Variants in GABRB1 observed in about 807,000 individuals in gnomAD.
GABRB1 encodes the protein gamma-aminobutyric acid type A receptor subunit beta1.
GABRB1 carries 17 observed loss-of-function variants against 51.6 expected under a neutral mutation model. The ratio of observed to expected loss-of-function variants is 0.33; its 90% CI spans 0.23 to 0.49. GABRB1 has a LOEUF of 0.49. Ranked by LOEUF, GABRB1 falls within the 20% of genes least tolerant of loss-of-function variation. The pLI is 0.99. For missense variants in GABRB1, 410 were observed against 600.6 expected, an observed-to-expected ratio of 0.68 and a Z score of 3.32; for synonymous variants, 247 against 218.9, an observed-to-expected ratio of 1.13 and a Z score of -1.14.
At chr4:47,386,400 A>C (rs1356664983) in intron 5 of GABRB1, among the ~76,000 whole-genome samples, 1 of 152,222 alleles carries the variant, frequency 6.6e-6, no homozygotes, top group African/African-American at 2.4e-5. Context: ...AGACAAATAA[A>C]ATGTAGAGGC....
In GABRB1 at chr4:47,320,172, A is replaced by C. The variant is rs574779079; in HGVS notation, c.507A>C (p.Pro169=). The C allele has an allele frequency of 6.2e-7, 1 of 1,608,802 alleles. No individual in the cohort carries two copies. Among genetic ancestry groups the C allele is most frequent in the African/African-American group, 1.3e-5 (1 of 74,934 alleles). Residue 169 remains proline, a synonymous_variant, in exon 5 of 9, where the codon CCA becomes CCC. Transcript: ENST00000295454. ...AACMMDLRRY[P]LDEQNCTLEI... is the part of the protein sequence containing the mutation. ...GTATGATGGATCTTCGAAGATATCC[A>C]TTGGATGAGCAGAACTGCACCCTGG...
At chr4:47,108,648 A>G (rs777602048) in intron 3 of GABRB1, among the ~76,000 whole-genome samples, 8 of 152,060 alleles carry the variant, frequency 5.3e-5, no homozygotes, top group Non-Finnish European at 1.2e-4. Flanking sequence ...TTATAATTAC[A>G]TGTTATAATA....
rs114125163 is a variant in GABRB1 at position 47,095,921 on chromosome 4, G to A, written c.240+63437G>A. Among the ~76,000 whole-genome samples the A allele has an allele frequency of 4.4e-3, 667 of 152,290 alleles. 6 individuals carry two copies. Among genetic ancestry groups the A allele is most frequent in the African/African-American group, 0.015 (633 of 41,562 alleles). On this transcript the variant is annotated intron_variant, in intron 3 of 8. Transcript: ENST00000295454. ...CATCCAATAGACTAAACATATGTTT[G>A]AGGAACAATGCAAAATCTTTCCAAA...
Position 47,125,883 on chromosome 4 carries a change from A to G in GABRB1, c.241-35366A>G, listed in dbSNP as rs936436059. 3.3e-5 allele frequency among the ~76,000 whole-genome samples: 5 copies of G among 150,318 alleles called. No homozygotes were observed. In the East Asian group the frequency reaches 9.7e-4, roughly 29 times the overall value. ...AGTATAATTTCTTAATGAATAAACA[A>G]CACAAAGACATGAAGAAATCTTGAG... On this transcript the variant is annotated intron_variant, in intron 3 of 8. Transcript: ENST00000295454.
At chr4:47,091,275 T>C (rs1219718242) in intron 3 of GABRB1, among the ~76,000 whole-genome samples, 1 of 152,164 alleles carries the variant, frequency 6.6e-6, no homozygotes, top group Non-Finnish European at 1.5e-5. Context: ...TTATTTACCA[T>C]TATATTGTAT....
chr4:47,373,109 G>A (rs1403118585), intron 5 of GABRB1, among the ~76,000 whole-genome samples: 1 of 152,132 alleles, frequency 6.6e-6, no homozygotes, highest in Non-Finnish European at 1.5e-5. Flanking sequence ...TCCCTTCCTT[G>A]CAGCTGTTCC....
At chr4:47,091,085 G>T (rs1479128870) in intron 3 of GABRB1, among the ~76,000 whole-genome samples, 1 of 149,352 alleles carries the variant, frequency 6.7e-6, no homozygotes, top group African/African-American at 2.5e-5. Context: ...GCCAGTGTCT[G>T]GGGATAGTTT....
intron 3 of GABRB1, among the ~76,000 whole-genome samples, chr4:47,092,373 A>G (rs1728346485): frequency 6.7e-6 from 1 of 149,986 alleles, no homozygotes; most frequent in South Asian, 2.1e-4. Context: ...GGGTTTCACC[A>G]CATTGGCCAG....
intron 5 of GABRB1, among the ~76,000 whole-genome samples, chr4:47,352,419 G>T (rs1293974621): frequency 2.6e-5 from 4 of 152,120 alleles, no homozygotes; most frequent in Non-Finnish European, 5.9e-5. Flanking sequence ...CATTTTATGA[G>T]GCCAGCATCA....
chr4:47,146,166 T>C (rs1642007129), intron 3 of GABRB1, among the ~76,000 whole-genome samples: 1 of 152,010 alleles, frequency 6.6e-6, no homozygotes, highest in Non-Finnish European at 1.5e-5. Context: ...GATTCAATTT[T>C]CTGTATCTTC....
At chr4:47,422,787 C>G (rs1466694305) in intron 8 of GABRB1, among the ~76,000 whole-genome samples, 2 of 152,078 alleles carry the variant, frequency 1.3e-5, no homozygotes, top group Non-Finnish European at 2.9e-5. Context: ...ATAACAAACT[C>G]TTTTTTTCCA....
At chr4:47,358,355 GTGTGTGTGTATATATA>G (rs1726664374) in intron 5 of GABRB1, among the ~76,000 whole-genome samples, 1 of 147,912 alleles carries the variant, frequency 6.8e-6, no homozygotes, top group Non-Finnish European at 1.5e-5. Flanking sequence ...TATTATATAT[GTGTGTGTGTATATATA>G]TGTGTGTGTG....
chr4:47,119,392 CAT>C (rs1195106614), intron 3 of GABRB1, among the ~76,000 whole-genome samples: 1 of 151,932 alleles, frequency 6.6e-6, no homozygotes, highest in Admixed American at 6.6e-5. Flanking sequence ...AAAATAAAGA[CAT>C]ATAATAAAAG....
chr4:47,343,553 A>C (rs1725980813), intron 5 of GABRB1, among the ~76,000 whole-genome samples: 1 of 152,208 alleles, frequency 6.6e-6, no homozygotes, highest in South Asian at 2.1e-4. Flanking sequence ...AATCCCCTGC[A>C]GACTTTCTAA....
At chr4:47,274,803 G>A (rs1723019245) in intron 4 of GABRB1, among the ~76,000 whole-genome samples, 1 of 152,036 alleles carries the variant, frequency 6.6e-6, no homozygotes. Context: ...AACTCTCAAG[G>A]GCCCTGGTGT....
intron 5 of GABRB1, among the ~76,000 whole-genome samples, chr4:47,358,419 T>TGA (rs139057428): frequency 1.5e-4 from 22 of 142,284 alleles, no homozygotes; most frequent in East Asian, 4.1e-4. Context: ...AGAGAGAGAG[T>TGA]GAGAGAGAGA....
intron 4 of GABRB1, among the ~76,000 whole-genome samples, chr4:47,258,927 A>T (rs1291239438): frequency 6.6e-6 from 1 of 152,160 alleles, no homozygotes; most frequent in Non-Finnish European, 1.5e-5. Flanking sequence ...GAAACTATTG[A>T]TAAAATTTCC....
chr4:47,041,885 T>C (rs957059000), intron 3 of GABRB1, among the ~76,000 whole-genome samples: 5 of 152,072 alleles, frequency 3.3e-5, no homozygotes, highest in Admixed American at 6.6e-5. Context: ...CAAATGCCTC[T>C]AGGTCTACTT....
At chr4:47,186,983 A>T (rs1577984306) in intron 4 of GABRB1, among the ~76,000 whole-genome samples, 1 of 152,040 alleles carries the variant, frequency 6.6e-6, no homozygotes, top group South Asian at 2.1e-4. Context: ...CCTATTTTAA[A>T]TGAAGAAATA....
Sources: allele counts gnomAD v4.1 joint callset (sites outside exome capture counted in the v4.1 genomes callset), GRCh38; gene constraint gnomAD v4.1.1; transcripts MANE v1.5; gene names NCBI Gene and HGNC (gene_info 2026-07-23, HGNC 2026-07-21).